The following PAM variants were observed in gnomAD, a reference collection of about 807,000 sequenced individuals.
The protein encoded by PAM is peptidylglycine alpha-amidating monooxygenase, also known as peptidyl-glycine alpha-amidating monooxygenase.
Under a neutral mutation model 122.1 loss-of-function variants are expected in PAM, and 72 were observed. The observed-to-expected ratio is 0.59, with a 90% confidence interval of 0.49 to 0.72. The LOEUF (loss-of-function observed/expected upper bound fraction) is 0.72, where lower values mean the gene tolerates loss of function less well. Ranked by LOEUF, PAM falls within the 30% of genes least tolerant of loss-of-function variation. The probability of loss-of-function intolerance (pLI) is 0.00; values close to 1 mark genes in which losing one functional copy is unlikely to be tolerated. For synonymous variants in PAM, 389 were observed against 404.4 expected (o/e 0.96, Z 0.46); for missense variants, 1,106 against 1,183.7 (o/e 0.93, Z 0.96).
intron 3 of PAM, chr5:102,873,459 T>C (rs1788173651): frequency 6.6e-6 from 1 of 152,488 alleles, no homozygotes; most frequent in Non-Finnish European, 1.5e-5. Flanking sequence ...AAGATCCCCA[T>C]CCAACTCCAG....
intron 16 of PAM, among the ~76,000 whole-genome samples, chr5:102,995,659 A>G (rs989476109): frequency 6.6e-6 from 1 of 152,148 alleles, no homozygotes; most frequent in African/African-American, 2.4e-5. Context: ...TATTGACTGA[A>G]TAGAATCCAG....
intron 14 of PAM, among the ~76,000 whole-genome samples, chr5:102,967,767 G>C (rs994776740): frequency 4.1e-5 from 6 of 146,722 alleles, no homozygotes; most frequent in Admixed American, 2.8e-4. Flanking sequence ...CCAGGCTGGA[G>C]TGCAGTGGCA....
intron 5 of PAM, among the ~76,000 whole-genome samples, chr5:102,920,398 G>A (rs1265505680): frequency 6.6e-6 from 1 of 152,068 alleles, no homozygotes; most frequent in Non-Finnish European, 1.5e-5. Context: ...CTTACTGCCT[G>A]TCTAACCTTA....
intron 14 of PAM, among the ~76,000 whole-genome samples, chr5:102,963,302 C>A (rs1763064472): frequency 6.6e-6 from 1 of 151,948 alleles, no homozygotes; most frequent in Admixed American, 6.6e-5. Context: ...ACACATAGGG[C>A]AAATCTCATT....
chr5:102,759,729 C>A (rs1235317410), intron 1 of PAM, among the ~76,000 whole-genome samples: 1 of 152,068 alleles, frequency 6.6e-6, no homozygotes, highest in Non-Finnish European at 1.5e-5. Flanking sequence ...AAGGCATAAA[C>A]CTTAAACGGA....
At chr5:102,985,719 G>T in intron 15 of PAM, among the ~76,000 whole-genome samples, 1 of 152,068 alleles carries the variant, frequency 6.6e-6, no homozygotes, top group African/African-American at 2.4e-5. Context: ...TGGAAGAAAA[G>T]GGAATTCTTC....
chr5:102,889,492 T>C (rs1363786), intron 3 of PAM, among the ~76,000 whole-genome samples: 131,601 of 151,744 alleles, frequency 0.87, 57,528 homozygotes, highest in Non-Finnish European at 0.93. Flanking sequence ...CCCTGCATGC[T>C]TCCCTTAACC....
At position 102,774,920 on chromosome 5, in the gene PAM, T is replaced by G. The variant is rs185691175; in HGVS notation, c.-374+19572T>G. 9.2e-5 allele frequency among the ~76,000 whole-genome samples: 14 copies of G among 152,158 alleles called. No homozygotes were observed. In the East Asian group the frequency reaches 2.5e-3, roughly 27 times the overall value. On this transcript the variant is annotated intron_variant, in intron 1 of 25. Coordinates refer to ENST00000438793, the MANE Select transcript of PAM (RefSeq NM_001177306.2). The stretch of plus-strand genomic sequence containing the variant: ...TGTCTTCTCTTTTTTATTTCTTTCA[T>G]TTCCCTCTATTGTTTTTATTTTTAT...
Position 102,988,227 on chromosome 5 carries a change from C to A in PAM, c.1484-2045C>A, listed in dbSNP as rs555374513. On this transcript the variant is annotated intron_variant, in intron 15 of 25. Coordinates refer to ENST00000438793, the MANE Select transcript of PAM (RefSeq NM_001177306.2). ...TTTTATTCTTTTTGACCAAAATATT[C>A]TCTGCCCACTTCTACACTTAATGAA... Among the ~76,000 whole-genome samples, 37 of 151,414 alleles carry A rather than the reference C, an allele frequency of 2.4e-4. 1 individual carries two copies. The highest frequency in any genetic ancestry group is 8.3e-4 in the African/African-American group (34 of 40,720).
chr5:102,758,091 T>G (rs1561362745), intron 1 of PAM, among the ~76,000 whole-genome samples: 25 of 122,542 alleles, frequency 2.0e-4, no homozygotes, highest in South Asian at 5.4e-4. Context: ...TTTTTTTTTT[T>G]TTTTTTTTTT....
chr5:102,844,891 G>A (rs1779588229), intron 1 of PAM, among the ~76,000 whole-genome samples: 1 of 152,116 alleles, frequency 6.6e-6, no homozygotes, highest in African/African-American at 2.4e-5. Context: ...GTGAACAGGA[G>A]TAGTTTTTAC....
chr5:102,903,141 G>A (rs1581525296), intron 4 of PAM, among the ~76,000 whole-genome samples: 1 of 151,358 alleles, frequency 6.6e-6, no homozygotes, highest in African/African-American at 2.4e-5. Context: ...CAAGTTATAA[G>A]GTCCTTAAAA....
chr5:102,793,361 C>CA (rs1164421267), intron 1 of PAM, among the ~76,000 whole-genome samples: 43 of 135,464 alleles, frequency 3.2e-4, no homozygotes, highest in Middle Eastern at 3.6e-3. Context: ...CCTGTCTCTT[C>CA]AAAAAAAAAT....
At chr5:102,882,090 TATATATATATATATATATATAC>T (rs1324851050) in intron 3 of PAM, among the ~76,000 whole-genome samples, 16 of 96,156 alleles carry the variant, frequency 1.7e-4, no homozygotes, top group African/African-American at 2.7e-4. Context: ...TATATATATA[TATATATATATATATATATATAC>T]ACCACATTTT....
intron 7 of PAM, among the ~76,000 whole-genome samples, 169 bp downstream of exon 7, chr5:102,926,837 A>G (rs1481050563): frequency 6.6e-6 from 1 of 152,070 alleles, no homozygotes; most frequent in Non-Finnish European, 1.5e-5. Context: ...AATGACTTTT[A>G]TTTTAGAAGT....
At chr5:102,899,702 AC>A (rs1316239158) in intron 3 of PAM, among the ~76,000 whole-genome samples, 9 of 151,746 alleles carry the variant, frequency 5.9e-5, no homozygotes, top group Non-Finnish European at 1.3e-4. Context: ...ATAAGCCAAC[AC>A]CACTTAAAGT....
rs1386326059 is a variant in PAM at position 102,862,989 on chromosome 5, CT to C, written c.-373-2822del. On this transcript the variant is annotated intron_variant, in intron 1 of 25. Coordinates refer to ENST00000438793, the MANE Select transcript of PAM (RefSeq NM_001177306.2). The stretch of plus-strand genomic sequence containing the variant: ...TTGACCAGTAACAAATGCCAGCTAT[CT>C]TTTTTTTTTTTAAAAAAAAATGAAA... Among the ~76,000 whole-genome samples the C allele has an allele frequency of 2.7e-3, 389 of 142,262 alleles. 18 individuals are homozygous for C. Among genetic ancestry groups the C allele is most frequent in the African/African-American group, 8.3e-3 (316 of 37,916 alleles). The allele number at this position is 142,262 out of a possible 152,430, so 93.3% of individuals were successfully genotyped here.
At chr5:102,773,729 A>G (rs1756404443) in intron 1 of PAM, among the ~76,000 whole-genome samples, 1 of 151,910 alleles carries the variant, frequency 6.6e-6, no homozygotes, top group Admixed American at 6.6e-5. Flanking sequence ...TTTACTTTTT[A>G]TTAACTTTTA....
intron 4 of PAM, among the ~76,000 whole-genome samples, chr5:102,906,484 C>T (rs920036748): frequency 2.0e-5 from 3 of 151,584 alleles, no homozygotes; most frequent in Non-Finnish European, 1.5e-5. Context: ...ACACACTGGG[C>T]ACAAGTATGA....
Sources: gnomAD v4.1 joint callset for allele counts (sites outside exome capture counted in the v4.1 genomes callset) on GRCh38, gnomAD v4.1.1 for gene constraint, MANE v1.5 for transcripts, NCBI Gene and HGNC (gene_info 2026-07-23, HGNC 2026-07-21) for gene names.